MYL12B: variants seen among roughly 807,000 people sequenced by gnomAD.
MYL12B encodes the protein myosin light chain 12B.
Under a neutral mutation model 12.9 loss-of-function variants are expected in MYL12B, and 3 were observed. That is an observed-to-expected ratio of 0.23 (90% CI 0.11 to 0.60). The LOEUF is 0.60. MYL12B is among the 20% of genes least tolerant of loss of function. The pLI is 0.89. For missense variants in MYL12B, 120 were observed against 215.4 expected, an observed-to-expected ratio of 0.56 and a Z score of 2.77; for synonymous variants, 57 against 71.9, an observed-to-expected ratio of 0.79 and a Z score of 1.05.
intron 1 of MYL12B, 176 bp downstream of exon 1, chr18:3,262,413 TG>T (rs869125128): frequency 0.57 from 85,984 of 151,040 alleles, 26,948 homozygotes; most frequent in Non-Finnish European, 0.7. Flanking sequence ...GGAGGAGGGT[TG>T]GCGGCGGGAG....
At chr18:3,272,795 C>T in intron 1 of MYL12B, 89 bp from the exon 2 acceptor site, 1 of 1,160,424 alleles carries the variant, frequency 8.6e-7, no homozygotes, top group Non-Finnish European at 1.2e-6. Flanking sequence ...GATATTTTTA[C>T]CTACAGACTT....
intron 1 of MYL12B, among the ~76,000 whole-genome samples, chr18:3,265,505 G>A (rs2081627948): frequency 6.6e-6 from 1 of 152,124 alleles, no homozygotes; most frequent in Non-Finnish European, 1.5e-5. Context: ...TCTACTCTGA[G>A]GGCTTTACCT....
intron 1 of MYL12B, among the ~76,000 whole-genome samples, chr18:3,263,545 G>A (rs1364883489): frequency 6.6e-6 from 1 of 152,190 alleles, no homozygotes; most frequent in African/African-American, 2.4e-5. Flanking sequence ...ATGAAACTAA[G>A]CTTGAACAAG....
intron 1 of MYL12B, chr18:3,272,272 T>A (rs1270169269): frequency 6.5e-6 from 5 of 775,112 alleles, no homozygotes; most frequent in Non-Finnish European, 7.8e-6. Flanking sequence ...AGAGAGGTTA[T>A]GTTATACTGG....
At chr18:3,277,116 A>G (rs1476664815) in intron 2 of MYL12B, 137 bp from the exon 3 acceptor site, 2 of 1,247,128 alleles carry the variant, frequency 1.6e-6, no homozygotes, top group South Asian at 2.7e-5. Flanking sequence ...TCTTTTTAAA[A>G]TGTTCTTAAA....
chr18:3,278,178 G>T lies in MYL12B; in HGVS notation c.*241G>T. On this transcript the variant is annotated 3_prime_UTR_variant, in exon 4 of 4. Coordinates refer to ENST00000237500, the MANE Select transcript of MYL12B (RefSeq NM_033546.4). ...CGAATAAAAATCAACAAATGTGAAAGCCCAGAAAAATATATTCGTATTTCT... is the reference window on the plus strand; with the variant it reads ...CGAATAAAAATCAACAAATGTGAAATCCCAGAAAAATATATTCGTATTTCT... 1 of 363,210 alleles carries T rather than the reference G, an allele frequency of 2.8e-6. No individual in the cohort carries two copies. The highest frequency in any genetic ancestry group is 4.9e-6 in the Non-Finnish European group (1 of 203,156). The allele number at this position is 363,210 out of a possible 1,614,324, so 22.5% of individuals were successfully genotyped here. A position where few individuals can be genotyped will look rare whatever the true frequency, so the allele number is the denominator to read the frequency against.
chr18:3,276,679 AT>A (rs1359145143), intron 2 of MYL12B: 1 of 576,242 alleles, frequency 1.7e-6, no homozygotes, highest in Non-Finnish European at 2.2e-6. Context: ...AAGTGTGAAT[AT>A]TTAGATTTTT....
chr18:3,269,997 A>T (rs1432529573), intron 1 of MYL12B, among the ~76,000 whole-genome samples: 1 of 152,332 alleles, frequency 6.6e-6, no homozygotes, highest in East Asian at 1.9e-4. Flanking sequence ...CTGTCTCTCC[A>T]AAGAAAAGAG....
At chr18:3,277,155 G>T in intron 2 of MYL12B, 98 bp from the exon 3 acceptor site, 2 of 1,290,728 alleles carry the variant, frequency 1.5e-6, no homozygotes, top group South Asian at 2.2e-5. Flanking sequence ...TTCAAATGAT[G>T]TACATTTTAA....
At chr18:3,266,433 C>CTTATTGTCACAATATT (rs2081635432) in intron 1 of MYL12B, among the ~76,000 whole-genome samples, 1 of 152,170 alleles carries the variant, frequency 6.6e-6, no homozygotes, top group Non-Finnish European at 1.5e-5. Flanking sequence ...GTCACAATAT[C>CTTATTGTCACAATATT]TTACTGGTTA....
chr18:3,276,156 T>A (rs2081729190), intron 2 of MYL12B, among the ~76,000 whole-genome samples: 1 of 151,812 alleles, frequency 6.6e-6, no homozygotes, highest in African/African-American at 2.4e-5. Context: ...ATACCAACTT[T>A]AACCAGTCAA....
intron 1 of MYL12B, 161 bp downstream of exon 1, chr18:3,262,398 TGGAGGGAGGAG>T: frequency 7.8e-6 from 1 of 128,870 alleles, no homozygotes; most frequent in South Asian, 2.6e-4. Flanking sequence ...GGGCCGGAGG[TGGAGGGAGGAG>T]GGTTGGCGGC....
At chr18:3,266,802 C>A (rs530748638) in intron 1 of MYL12B, among the ~76,000 whole-genome samples, 3 of 152,264 alleles carry the variant, frequency 2.0e-5, no homozygotes, top group African/African-American at 7.2e-5. Flanking sequence ...CTGGGGATTA[C>A]TAAATGAACC....
At chr18:3,271,116 A>G (rs543247251) in intron 1 of MYL12B, among the ~76,000 whole-genome samples, 12 of 152,228 alleles carry the variant, frequency 7.9e-5, no homozygotes, top group Admixed American at 6.5e-5. Flanking sequence ...AATTGAGTCA[A>G]AATTTTTAGC....
Position 3,276,554 on chromosome 18 carries a change from A to G in MYL12B, c.185-699A>G, listed in dbSNP as rs193046127. ...TAAACAGTGTTTGAAGATATCTAAC[A>G]TTGTTCAAAATAAGCTGCCAATTCA... On this transcript the variant is annotated intron_variant, in intron 2 of 3. Transcript: ENST00000237500. 620 of 985,352 alleles carry G rather than the reference A, an allele frequency of 6.3e-4. 5 individuals carry two copies. The South Asian group carries it at 0.015, about 24-fold the overall frequency. The allele number at this position is 985,352 out of a possible 1,614,324, so 61.0% of individuals were successfully genotyped here. A position where few individuals can be genotyped will look rare whatever the true frequency, so the allele number is the denominator to read the frequency against.
At chr18:3,263,475 T>C (rs545769991) in intron 1 of MYL12B, among the ~76,000 whole-genome samples, 1 of 152,370 alleles carries the variant, frequency 6.6e-6, no homozygotes, top group Admixed American at 6.5e-5. Flanking sequence ...TTGAGTGCTT[T>C]AGGCTCTTTT....
At chr18:3,277,483 G>C in intron 3 of MYL12B, 69 bp downstream of exon 3, 2 of 1,541,300 alleles carry the variant, frequency 1.3e-6, no homozygotes, top group Non-Finnish European at 1.7e-6. Context: ...AATAGAAGGG[G>C]TTTTCTTTTT....
chr18:3,268,790 A>T (rs975582088), intron 1 of MYL12B, among the ~76,000 whole-genome samples: 1 of 152,312 alleles, frequency 6.6e-6, no homozygotes, highest in Non-Finnish European at 1.5e-5. Context: ...AACAAATGGG[A>T]TTTGAATCCT....
rs145740906 is a variant in MYL12B at position 3,266,988 on chromosome 18, C to T, written c.-16+4751C>T. 1.7e-3 allele frequency among the ~76,000 whole-genome samples: 260 copies of T among 152,296 alleles called. 1 individual carries two copies. The highest frequency in any genetic ancestry group is 6.0e-3 in the African/African-American group (251 of 41,538). On this transcript the variant is annotated intron_variant, in intron 1 of 3. Transcript: ENST00000237500. Reference sequence around the variant, plus strand: ...CCATGTCTCCAGCATCTCCATTAAACCATAATGACAACATTGAAAAACTAA... The same window carrying T: ...CCATGTCTCCAGCATCTCCATTAAATCATAATGACAACATTGAAAAACTAA...
Sources: gnomAD v4.1 joint callset for allele counts (sites outside exome capture counted in the v4.1 genomes callset) on GRCh38, gnomAD v4.1.1 for gene constraint, MANE v1.5 for transcripts, NCBI Gene and HGNC (gene_info 2026-07-23, HGNC 2026-07-21) for gene names.